PTPRD: variants seen among roughly 807,000 people sequenced by gnomAD.
PTPRD encodes protein tyrosine phosphatase receptor type D.
A neutral mutation model predicts 214.5 loss-of-function variants in PTPRD; 34 were observed. The observed-to-expected ratio is 0.16, with a 90% CI of 0.12 to 0.21. PTPRD has a LOEUF of 0.21. Ranked by LOEUF, PTPRD falls within the 10% of genes least tolerant of loss-of-function variation. The probability of loss-of-function intolerance (pLI) is 1.00; values close to 1 mark genes in which losing one functional copy is unlikely to be tolerated. For missense variants in PTPRD, 2,545 were observed against 2,398.7 expected, an observed-to-expected ratio of 1.06 and a Z score of -1.27; for synonymous variants, 1,128 against 845.7, an observed-to-expected ratio of 1.33 and a Z score of -5.79.
intron 2 of PTPRD, among the ~76,000 whole-genome samples, chr9:10,487,244 C>T (rs2099138687): frequency 6.6e-6 from 1 of 151,930 alleles, no homozygotes; most frequent in Non-Finnish European, 1.5e-5. Context: ...TTTTTCTATC[C>T]ATTTGACCAC....
intron 5 of PTPRD, among the ~76,000 whole-genome samples, chr9:9,897,598 A>T (rs532190492): frequency 2.0e-5 from 3 of 152,228 alleles, no homozygotes; most frequent in Admixed American, 2.0e-4. Flanking sequence ...ATTGTAAAAT[A>T]AGCTTTCTGA....
chr9:9,937,792 T>C (rs189987229), intron 5 of PTPRD, among the ~76,000 whole-genome samples: 12 of 152,296 alleles, frequency 7.9e-5, no homozygotes, highest in Admixed American at 2.0e-4. Context: ...TCTTACAGTG[T>C]ATGAAAATCA....
At chr9:9,140,919 C>G (rs977248665) in intron 10 of PTPRD, among the ~76,000 whole-genome samples, 1 of 152,088 alleles carries the variant, frequency 6.6e-6, no homozygotes, top group African/African-American at 2.4e-5. Context: ...TCTTTTTCTT[C>G]CTGGGAATGA....
intron 9 of PTPRD, among the ~76,000 whole-genome samples, chr9:9,286,802 G>C (rs1237625633): frequency 6.9e-6 from 1 of 144,646 alleles, no homozygotes; most frequent in African/African-American, 2.5e-5. Context: ...TGATAGCATA[G>C]TGCCTGAAAA....
chr9:8,507,466 C>T, intron 21 of PTPRD, 32 bp from the exon 22 acceptor site: 1 of 1,612,832 alleles, frequency 6.2e-7, no homozygotes, highest in Non-Finnish European at 8.5e-7. Flanking sequence ...ATTGAACTCA[C>T]AATCACCAGG....
At chr9:9,794,067 A>T (rs947287747) in intron 5 of PTPRD, among the ~76,000 whole-genome samples, 2 of 151,972 alleles carry the variant, frequency 1.3e-5, no homozygotes, top group Non-Finnish European at 2.9e-5. Flanking sequence ...CGTGTTTGGC[A>T]CTTGTCCTTC....
chr9:10,396,896 G>C (rs1314399865), intron 2 of PTPRD, among the ~76,000 whole-genome samples: 2 of 151,952 alleles, frequency 1.3e-5, no homozygotes, highest in Non-Finnish European at 2.9e-5. Context: ...TAACACTGCA[G>C]GCACCTCCTC....
intron 10 of PTPRD, among the ~76,000 whole-genome samples, chr9:9,062,486 T>C (rs763359696): frequency 9.9e-5 from 15 of 152,268 alleles, no homozygotes; most frequent in Admixed American, 5.2e-4. Flanking sequence ...CCCATGGATC[T>C]CACCCACACA....
intron 14 of PTPRD, among the ~76,000 whole-genome samples, chr9:8,537,102 T>C (rs1277323204): frequency 3.3e-5 from 5 of 152,004 alleles, no homozygotes; most frequent in Admixed American, 1.3e-4. Context: ...TAATTTGTAC[T>C]GTGTTGACAT....
intron 7 of PTPRD, among the ~76,000 whole-genome samples, chr9:9,651,821 G>C (rs919023986): frequency 3.1e-5 from 4 of 127,508 alleles, no homozygotes; most frequent in Non-Finnish European, 6.7e-5. Flanking sequence ...ATTTATTCAA[G>C]GTTTGTTTTT....
intron 9 of PTPRD, among the ~76,000 whole-genome samples, chr9:9,371,073 C>T (rs547009873): frequency 7.2e-6 from 1 of 138,712 alleles, no homozygotes; most frequent in Admixed American, 7.2e-5. Flanking sequence ...CTAAAATTCT[C>T]TTTTTTTGTT....
chr9:9,689,640 C>T (rs2097229543), intron 7 of PTPRD, among the ~76,000 whole-genome samples: 1 of 151,654 alleles, frequency 6.6e-6, no homozygotes, highest in Non-Finnish European at 1.5e-5. Flanking sequence ...TTATCCACTC[C>T]TCCCCTCTAC....
chr9:8,624,191 T>C (rs975857595), intron 14 of PTPRD, among the ~76,000 whole-genome samples: 10 of 151,096 alleles, frequency 6.6e-5, no homozygotes, highest in African/African-American at 2.2e-4. Context: ...TGTGTTAACG[T>C]AACAATAAGC....
chr9:9,059,829 A>G (rs1371832279), intron 10 of PTPRD, among the ~76,000 whole-genome samples: 1 of 152,138 alleles, frequency 6.6e-6, no homozygotes, highest in Non-Finnish European at 1.5e-5. Context: ...TTTTAAATGC[A>G]CAAAATAAAT....
At chr9:9,835,878 C>A (rs2056602895) in intron 5 of PTPRD, among the ~76,000 whole-genome samples, 1 of 152,040 alleles carries the variant, frequency 6.6e-6, no homozygotes, top group Non-Finnish European at 1.5e-5. Flanking sequence ...AGTAGTCAAT[C>A]ATCATTCAGT....
intron 3 of PTPRD, among the ~76,000 whole-genome samples, chr9:10,190,092 C>T (rs768766252): frequency 6.6e-6 from 1 of 151,968 alleles, no homozygotes; most frequent in Non-Finnish European, 1.5e-5. Context: ...TGGGGCCAGG[C>T]GCGGTGGGTC....
chr9:9,726,701 C>A (rs2098099538), intron 7 of PTPRD, among the ~76,000 whole-genome samples: 1 of 152,102 alleles, frequency 6.6e-6, no homozygotes, highest in Non-Finnish European at 1.5e-5. Context: ...TATGTCTCAA[C>A]ATGTTTGTGG....
At chr9:8,504,457 T>G (rs1335066192) in intron 22 of PTPRD, 52 bp from the exon 23 acceptor site, 5 of 1,592,078 alleles carry the variant, frequency 3.1e-6, no homozygotes, top group Non-Finnish European at 3.4e-6. Flanking sequence ...ATGCAAATAC[T>G]TTTTAATCAT....
At chr9:8,345,409 T>G (rs1856637341) in intron 39 of PTPRD, among the ~76,000 whole-genome samples, 1 of 152,036 alleles carries the variant, frequency 6.6e-6, no homozygotes, top group African/African-American at 2.4e-5. Context: ...ACCATTTAGG[T>G]CAGCAGTCAT....
Sources: gnomAD v4.1 joint callset for allele counts (sites outside exome capture counted in the v4.1 genomes callset) on GRCh38, gnomAD v4.1.1 for gene constraint, MANE v1.5 for transcripts, NCBI Gene and HGNC (gene_info 2026-07-23, HGNC 2026-07-21) for gene names.